The following CBR4 variants were observed in gnomAD, a reference collection of about 807,000 sequenced individuals.
The protein encoded by CBR4 is 3-oxoacyl-[acyl-carrier-protein] reductase.
Under a neutral mutation model 21.0 loss-of-function variants are expected in CBR4, and 22 were observed. The observed-to-expected ratio is 1.05, with a 90% CI of 0.75 to 1.50. The LOEUF (loss-of-function observed/expected upper bound fraction) is 1.50, where lower values mean the gene tolerates loss of function less well. Among genes scored for constraint, CBR4 ranks in the 40% most tolerant of loss-of-function variants. The probability of loss-of-function intolerance (pLI) is 0.00; values close to 1 mark genes in which losing one functional copy is unlikely to be tolerated. For missense variants in CBR4, 302 were observed against 286.3 expected (o/e 1.05, Z -0.40); for synonymous variants, 100 against 104.4 (o/e 0.96, Z 0.26).
chr4:168,938,859 C>A (rs1443970161), intron 2 of CBR4, among the ~76,000 whole-genome samples: 1 of 152,098 alleles, frequency 6.6e-6, no homozygotes, highest in Non-Finnish European at 1.5e-5. Flanking sequence ...CCAAATTCTA[C>A]CAGAGGTACA....
intron 2 of CBR4, among the ~76,000 whole-genome samples, chr4:168,943,710 G>C (rs561885517): frequency 6.6e-6 from 1 of 152,268 alleles, no homozygotes; most frequent in African/African-American, 2.4e-5. Flanking sequence ...AGGAGTTCAA[G>C]ACTAGTTTGG....
intron 2 of CBR4, among the ~76,000 whole-genome samples, chr4:168,970,083 T>C (rs1764159207): frequency 6.6e-6 from 1 of 152,244 alleles, no homozygotes; most frequent in African/African-American, 2.4e-5. Context: ...CCCATTTTCC[T>C]AACGGGTTAT....
chr4:168,996,989 T>G (rs928081273), intron 4 of CBR4, among the ~76,000 whole-genome samples: 8 of 152,170 alleles, frequency 5.3e-5, no homozygotes, highest in African/African-American at 1.9e-4. Flanking sequence ...ACACCCTTCT[T>G]ACTACTTGTA....
Position 168,921,627 on chromosome 4 carries a change from G to C in CBR4, n.170-26862C>G, listed in dbSNP as rs115988233. The C allele has an allele frequency of 6.2e-7, 1 of 1,610,616 alleles. No individual in the cohort carries two copies. Among genetic ancestry groups the C allele is most frequent in the African/African-American group, 1.4e-5 (1 of 73,832 alleles). ...TCACAAGATGCTGGTGCGTGAGAACGGGGTGCACTCTCTGATCATAGAGCC... is the reference window on the plus strand; with the variant it reads ...TCACAAGATGCTGGTGCGTGAGAACCGGGTGCACTCTCTGATCATAGAGCC... On this transcript the variant is annotated intron_variant and non_coding_transcript_variant, in intron 2 of 3. Coordinates refer to the CBR4 transcript ENST00000509108.
intron 4 of CBR4, chr4:169,001,113 T>C (rs555236289): frequency 6.5e-4 from 98 of 151,896 alleles, no homozygotes; most frequent in African/African-American, 2.2e-3. Flanking sequence ...GCCTCCCAAA[T>C]AGCTGGGACT....
intron 2 of CBR4, among the ~76,000 whole-genome samples, chr4:168,952,905 G>A (rs183147668): frequency 2.0e-5 from 3 of 152,340 alleles, no homozygotes; most frequent in Admixed American, 2.0e-4. Context: ...CCTGCCAGGA[G>A]GTGGCTCTTT....
chr4:168,986,820 T>C (rs1459768571), downstream of CBR4, among the ~76,000 whole-genome samples: 1 of 152,130 alleles, frequency 6.6e-6, no homozygotes, highest in Non-Finnish European at 1.5e-5. Flanking sequence ...TTAATACCTG[T>C]TGTCTCAGCC....
exon 3 of CBR4, chr4:168,894,742 T>C (rs760950843): frequency 1.4e-4 from 223 of 1,571,972 alleles, no homozygotes; most frequent in Non-Finnish European, 1.9e-4. Flanking sequence ...ATCTTCCTTA[T>C]GGATACTGTT....
intron 2 of CBR4, among the ~76,000 whole-genome samples, chr4:168,918,400 T>A (rs913702961): frequency 6.6e-6 from 1 of 151,916 alleles, no homozygotes; most frequent in African/African-American, 2.4e-5. Flanking sequence ...TGGATGAACC[T>A]GGAGGACATA....
intron 2 of CBR4, among the ~76,000 whole-genome samples, chr4:168,911,218 T>C (rs575732480): frequency 6.6e-6 from 1 of 152,330 alleles, no homozygotes; most frequent in East Asian, 1.9e-4. Flanking sequence ...AAGTCAGCAC[T>C]CAAATCCAGG....
intron 2 of CBR4, among the ~76,000 whole-genome samples, chr4:168,978,798 G>A (rs1764451903): frequency 6.6e-6 from 1 of 152,132 alleles, no homozygotes; most frequent in East Asian, 1.9e-4. Flanking sequence ...CCACAGTACT[G>A]AGAAGCAGAC....
chr4:168,926,097 A>G (rs1206629212), intron 2 of CBR4: 5 of 802,068 alleles, frequency 6.2e-6, no homozygotes, highest in African/African-American at 1.7e-5. Context: ...TGTTTCTACC[A>G]TGGATGTGTT....
intron 2 of CBR4, among the ~76,000 whole-genome samples, chr4:168,977,521 T>C (rs1764408520): frequency 6.6e-6 from 1 of 152,210 alleles, no homozygotes; most frequent in Non-Finnish European, 1.5e-5. Flanking sequence ...TTTGCAATTA[T>C]CATCTAAACG....
chr4:168,989,136 G>A lies in CBR4; in HGVS notation c.*1014C>T. ...TATTGCATATTTATTTATTTTTTAT[G>A]CTTATTCATACAGAATTTATTACTT... On this transcript the variant is annotated 3_prime_UTR_variant, in exon 5 of 5. Transcript: ENST00000306193. The A allele has an allele frequency of 1.0e-6, 1 of 968,506 alleles. No homozygotes were observed. Among genetic ancestry groups the A allele is most frequent in the Non-Finnish European group, 1.2e-6 (1 of 814,600 alleles). 60.0% of individuals were successfully genotyped at this position (968,506 alleles called of 1,614,324 possible). A position where few individuals can be genotyped will look rare whatever the true frequency, so the allele number is the denominator to read the frequency against.
At chr4:168,900,730 A>C (rs1756330437) in intron 2 of CBR4, among the ~76,000 whole-genome samples, 1 of 152,168 alleles carries the variant, frequency 6.6e-6, no homozygotes, top group African/African-American at 2.4e-5. Flanking sequence ...TTTAAAATAA[A>C]CTCCATTGTT....
At chr4:168,957,034 T>C (rs1256084282) in intron 2 of CBR4, among the ~76,000 whole-genome samples, 3 of 152,206 alleles carry the variant, frequency 2.0e-5, no homozygotes, top group Admixed American at 6.5e-5. Flanking sequence ...GCAGTAGGTA[T>C]TAATTTCAAA....
chr4:168,960,731 T>G (rs1763825315), intron 2 of CBR4, among the ~76,000 whole-genome samples: 1 of 152,348 alleles, frequency 6.6e-6, no homozygotes, highest in Admixed American at 6.5e-5. Context: ...ATCCATGTAC[T>G]TTCTTAAAAA....
chr4:168,988,291 T>C lies in CBR4; in HGVS notation c.*1859A>G, dbSNP rs1764762802. On this transcript the variant is annotated 3_prime_UTR_variant, in exon 5 of 5. Coordinates refer to ENST00000306193, the MANE Select transcript of CBR4 (RefSeq NM_032783.5). ...AGGCTGGGGGAGGAGGTGGAATAGCTTAAAAGGTTATATTTCTTATTTTAA... is the reference window on the plus strand; with the variant it reads ...AGGCTGGGGGAGGAGGTGGAATAGCCTAAAAGGTTATATTTCTTATTTTAA... 1 of 985,088 alleles carries C rather than the reference T, an allele frequency of 1.0e-6. No individual in the cohort carries two copies. The highest frequency in any genetic ancestry group is 1.2e-6 in the Non-Finnish European group (1 of 829,636). 61.0% of individuals were successfully genotyped at this position (985,088 alleles called of 1,614,324 possible).
chr4:168,921,699 C>G, intron 2 of CBR4: 1 of 1,611,522 alleles, frequency 6.2e-7, no homozygotes, highest in Non-Finnish European at 8.5e-7. Context: ...AGCTACCAAC[C>G]GAGCAGGACA....
Sources: gnomAD v4.1 joint callset for allele counts (sites outside exome capture counted in the v4.1 genomes callset) on GRCh38, gnomAD v4.1.1 for gene constraint, MANE v1.5 for transcripts, NCBI Gene and HGNC (gene_info 2026-07-23, HGNC 2026-07-21) for gene names.